Variants in FAM78B observed in about 807,000 individuals in gnomAD.
The protein encoded by FAM78B is protein FAM78B.
A neutral mutation model predicts 20.0 loss-of-function variants in FAM78B; 10 were observed. The observed-to-expected ratio is 0.50, with a 90% CI of 0.31 to 0.85. The LOEUF is 0.85. FAM78B is among the 40% of genes least tolerant of loss of function. The pLI, the probability that FAM78B is intolerant of heterozygous loss-of-function variation, is 0.05. For missense variants in FAM78B, 283 were observed against 345.0 expected, an observed-to-expected ratio of 0.82 and a Z score of 1.42; for synonymous variants, 135 against 132.8, an observed-to-expected ratio of 1.02 and a Z score of -0.12.
chr1:166,086,733 C>T (rs1571148457), intron 1 of FAM78B, among the ~76,000 whole-genome samples: 1 of 152,080 alleles, frequency 6.6e-6, no homozygotes, highest in Non-Finnish European at 1.5e-5. Flanking sequence ...TGAGTGTGTA[C>T]CCTGGTGACA....
At chr1:166,097,940 A>C (rs1448876851) in intron 1 of FAM78B, among the ~76,000 whole-genome samples, 1 of 152,158 alleles carries the variant, frequency 6.6e-6, no homozygotes, top group African/African-American at 2.4e-5. Context: ...AAAAATAGAG[A>C]ATTAAACCAC....
intron 1 of FAM78B, among the ~76,000 whole-genome samples, chr1:166,150,745 A>G (rs1655642932): frequency 6.6e-6 from 1 of 152,206 alleles, no homozygotes; most frequent in African/African-American, 2.4e-5. Context: ...CAATACAACT[A>G]GCAAATGGGA....
Position 166,069,934 on chromosome 1 carries a change from A to C in FAM78B, c.*307T>G. On this transcript the variant is annotated 3_prime_UTR_variant, in exon 2 of 2. Coordinates refer to ENST00000354422, the MANE Select transcript of FAM78B (RefSeq NM_001017961.5). Reference sequence around the variant, plus strand: ...TTTCCATCCCCTGCATCTCACAGGAAAGAAATGGTCAATAGTTCAGATAAA... The same window carrying C: ...TTTCCATCCCCTGCATCTCACAGGACAGAAATGGTCAATAGTTCAGATAAA... 1 of 1,051,988 alleles carries C rather than the reference A, an allele frequency of 9.5e-7. No homozygotes were observed. The highest frequency in any genetic ancestry group is 1.2e-6 in the Non-Finnish European group (1 of 867,412). 65.2% of individuals were successfully genotyped at this position (1,051,988 alleles called of 1,614,324 possible).
intron 1 of FAM78B, among the ~76,000 whole-genome samples, chr1:166,112,872 T>G (rs552512446): frequency 6.6e-6 from 1 of 152,272 alleles, no homozygotes; most frequent in South Asian, 2.1e-4. Flanking sequence ...TGCAGAGAGG[T>G]TATGTAATTT....
intron 1 of FAM78B, among the ~76,000 whole-genome samples, chr1:166,158,815 C>T (rs1656022108): frequency 6.6e-6 from 1 of 152,258 alleles, no homozygotes; most frequent in Non-Finnish European, 1.5e-5. Context: ...AGGCACCAAT[C>T]CCTTCCACGG....
At position 166,070,069 on chromosome 1, in the gene FAM78B, T is replaced by G; in HGVS notation, c.*172A>C. ...AAGAGGAAGGGATTTTTCCTAAGGATTATGGTTCTACCACCCAAGGAGCAG... is the reference window on the plus strand; with the variant it reads ...AAGAGGAAGGGATTTTTCCTAAGGAGTATGGTTCTACCACCCAAGGAGCAG... On this transcript the variant is annotated 3_prime_UTR_variant, in exon 2 of 2. Transcript: ENST00000354422. 7.7e-7 allele frequency: 1 copy of G among 1,293,758 alleles called. No homozygotes were observed. Among genetic ancestry groups the G allele is most frequent in the Non-Finnish European group, 9.8e-7 (1 of 1,015,742 alleles). The allele number at this position is 1,293,758 out of a possible 1,614,324, so 80.1% of individuals were successfully genotyped here.
intron 1 of FAM78B, among the ~76,000 whole-genome samples, chr1:166,148,738 G>A (rs1655568012): frequency 6.6e-6 from 1 of 152,238 alleles, no homozygotes; most frequent in Non-Finnish European, 1.5e-5. Flanking sequence ...GACAAAGGGA[G>A]CTCATATCCT....
intron 1 of FAM78B, among the ~76,000 whole-genome samples, chr1:166,102,272 C>T (rs910664390): frequency 6.6e-5 from 10 of 152,302 alleles, no homozygotes; most frequent in African/African-American, 2.2e-4. Flanking sequence ...TTGTAAAGAC[C>T]GTTGAGGCTA....
intron 1 of FAM78B, among the ~76,000 whole-genome samples, chr1:166,134,026 G>A (rs990047073): frequency 2.0e-4 from 30 of 152,118 alleles, no homozygotes; most frequent in Non-Finnish European, 4.3e-4. Context: ...AACTCCCACC[G>A]TATGTTCTCC....
At chr1:166,056,256 CTT>C (rs753842747), downstream of FAM78B, among the ~76,000 whole-genome samples, 16 of 152,046 alleles carry the variant, frequency 1.1e-4, no homozygotes, top group African/African-American at 3.9e-4. Flanking sequence ...TGCTCTCCCT[CTT>C]TTGACTGGTG....
chr1:166,093,139 T>A (rs1026998120), intron 1 of FAM78B, among the ~76,000 whole-genome samples: 2 of 152,218 alleles, frequency 1.3e-5, no homozygotes, highest in Non-Finnish European at 2.9e-5. Context: ...TTATGTAATA[T>A]GTAAATAAAC....
intron 1 of FAM78B, among the ~76,000 whole-genome samples, chr1:166,077,587 A>T (rs1232168070): frequency 7.2e-6 from 1 of 139,648 alleles, no homozygotes; most frequent in African/African-American, 2.9e-5. Flanking sequence ...TATATATATA[A>T]AATACATATA....
At chr1:166,075,974 A>T (rs1312113751) in intron 1 of FAM78B, among the ~76,000 whole-genome samples, 1 of 152,176 alleles carries the variant, frequency 6.6e-6, no homozygotes, top group African/African-American at 2.4e-5. Context: ...CTGTGGATGC[A>T]ATCAAAATAT....
chr1:166,159,804 C>A (rs1342293868), intron 1 of FAM78B, among the ~76,000 whole-genome samples: 2 of 152,340 alleles, frequency 1.3e-5, no homozygotes, highest in East Asian at 3.9e-4. Context: ...CCAACTCCTC[C>A]TTTGACTCCA....
chr1:166,103,677 C>A (rs989365016), intron 1 of FAM78B, among the ~76,000 whole-genome samples: 1 of 152,156 alleles, frequency 6.6e-6, no homozygotes, highest in Admixed American at 6.5e-5. Flanking sequence ...TCTGAATAGA[C>A]CGATAATAGA....
Position 166,161,397 on chromosome 1 carries a change from C to T in FAM78B, c.263+4589G>A, listed in dbSNP as rs551961904. Among the ~76,000 whole-genome samples the T allele has an allele frequency of 2.6e-5, 4 of 152,284 alleles. No homozygotes were observed. In the South Asian group the frequency reaches 8.3e-4, roughly 32 times the overall value. ...TCCTGGGCTCAAGTGATCCACCTGC[C>T]TCGGCCTCCCATGCAAGAGATTTTC... On this transcript the variant is annotated intron_variant, in intron 1 of 1. Coordinates refer to ENST00000354422, the MANE Select transcript of FAM78B (RefSeq NM_001017961.5).
chr1:166,070,185 C>A lies in FAM78B; in HGVS notation c.*56G>T. ...TGTTTGGCTCCTGCCACCCCTGGCA[C>A]CCTCACTGCATGTCTCAGAGGCGTG... On this transcript the variant is annotated 3_prime_UTR_variant, in exon 2 of 2. Coordinates refer to ENST00000354422, the MANE Select transcript of FAM78B (RefSeq NM_001017961.5). The A allele has an allele frequency of 6.9e-7, 1 of 1,446,164 alleles. No individual in the cohort carries two copies. Among genetic ancestry groups the A allele is most frequent in the Admixed American group, 2.4e-5 (1 of 42,086 alleles). 89.6% of individuals were successfully genotyped at this position (1,446,164 alleles called of 1,614,324 possible).
At chr1:166,137,361 G>A (rs1225674937) in intron 1 of FAM78B, among the ~76,000 whole-genome samples, 4 of 152,228 alleles carry the variant, frequency 2.6e-5, no homozygotes, top group South Asian at 2.1e-4. Context: ...TCCACCATCC[G>A]CCATATTTTC....
intron 1 of FAM78B, among the ~76,000 whole-genome samples, chr1:166,071,065 G>A (rs576356211): frequency 4.6e-5 from 7 of 152,304 alleles, no homozygotes; most frequent in African/African-American, 1.4e-4. Context: ...TTAGATGATG[G>A]TAATCAGCAG....
Sources: allele counts gnomAD v4.1 joint callset (sites outside exome capture counted in the v4.1 genomes callset), GRCh38; gene constraint gnomAD v4.1.1; transcripts MANE v1.5; gene names NCBI Gene and HGNC (gene_info 2026-07-23, HGNC 2026-07-21).